MID1: variants seen among roughly 807,000 people sequenced by gnomAD.
MID1 encodes the protein midline 1.
A neutral mutation model predicts 40.4 loss-of-function variants in MID1; 7 were observed. The ratio of observed to expected loss-of-function variants is 0.17; its 90% CI spans 0.10 to 0.33. The LOEUF is 0.33. Ranked by LOEUF, MID1 falls within the 10% of genes least tolerant of loss-of-function variation. The probability of loss-of-function intolerance (pLI) is 1.00; values close to 1 mark genes in which losing one functional copy is unlikely to be tolerated. For missense variants in MID1, 367 were observed against 558.5 expected (o/e 0.66, Z 3.46); for synonymous variants, 229 against 221.2 (o/e 1.04, Z -0.31).
At chrX:10,612,049 T>A (rs1935745345) in intron 1 of MID1, among the ~76,000 whole-genome samples, 1 of 112,178 alleles carries the variant, frequency 8.9e-6, no homozygotes, top group African/African-American at 3.2e-5. Context: ...TCTTTGTTAG[T>A]TAAACCAAAA....
At chrX:10,590,328 C>T (rs1307749274) in intron 1 of MID1, among the ~76,000 whole-genome samples, 1 of 111,312 alleles carries the variant, frequency 9.0e-6, no homozygotes. Flanking sequence ...GAGGGTCTGT[C>T]TCTCTTCTCT....
chrX:10,701,050 A>G (rs774970907), intron 1 of MID1, among the ~76,000 whole-genome samples: 1 of 111,804 alleles, frequency 8.9e-6, no homozygotes, highest in South Asian at 3.8e-4. Context: ...CAGGCAAACC[A>G]TCAAGCTGGA....
rs1172669284 is a variant in MID1 at position 10,643,246 on chromosome X, A to C, written c.-186-22827T>G. 7.2e-5 allele frequency among the ~76,000 whole-genome samples: 8 copies of C among 111,356 alleles called. No individual in the cohort carries two copies. The East Asian group carries it at 1.7e-3, about 23-fold the overall frequency. On this transcript the variant is annotated intron_variant, in intron 1 of 10. Transcript: ENST00000380785. Reference sequence around the variant, plus strand: ...ACAGGCAACCTACAGAATGGGAGAAAATTTTTACAATCTACCCATCTGACA... The same window carrying C: ...ACAGGCAACCTACAGAATGGGAGAACATTTTTACAATCTACCCATCTGACA...
chrX:10,746,353 G>C (rs1251975863), intron 1 of MID1, among the ~76,000 whole-genome samples: 4 of 111,978 alleles, frequency 3.6e-5, no homozygotes, highest in Non-Finnish European at 7.5e-5. Flanking sequence ...TTTTAGGCTT[G>C]TGCAAATCCA....
intron 1 of MID1, among the ~76,000 whole-genome samples, chrX:10,789,128 A>G (rs771405160): frequency 9.0e-6 from 1 of 111,433 alleles, no homozygotes; most frequent in South Asian, 3.8e-4. Context: ...TAGAGATCAG[A>G]GCTGCAGTGA....
At chrX:10,577,088 C>T (rs1471002541) in intron 1 of MID1, 9 of 112,186 alleles carry the variant, frequency 8.0e-5, no homozygotes, top group Non-Finnish European at 1.3e-4. Context: ...TCAACTGAAC[C>T]CAAATGGAAA....
At chrX:10,675,646 T>C (rs1217191163) in intron 1 of MID1, among the ~76,000 whole-genome samples, 1 of 111,669 alleles carries the variant, frequency 9.0e-6, no homozygotes, top group South Asian at 3.7e-4. Flanking sequence ...GATATATTTA[T>C]ATGTGTGTGT....
At position 10,449,336 on chromosome X, in the gene MID1, TC is replaced by T; in HGVS notation, c.*31del. ...TAAATAGTGGCCTGAACCTTACTGT[TC>T]CCCAGAAAGCAGCTCCATGTGGCCA... is the stretch of plus-strand genomic sequence containing the variant. On this transcript the variant is annotated 3_prime_UTR_variant, in exon 10 of 10. Coordinates refer to ENST00000317552, the MANE Select transcript of MID1 (RefSeq NM_000381.4). 2 of 1,141,387 alleles carry T rather than the reference TC, an allele frequency of 1.8e-6. No individual in the cohort carries two copies. The highest frequency in any genetic ancestry group is 3.7e-5 in the South Asian group (2 of 54,762). The allele number at this position is 1,141,387 out of a possible 1,213,427, so 94.1% of individuals were successfully genotyped here.
At chrX:10,784,449 T>C (rs1055008691) in intron 1 of MID1, among the ~76,000 whole-genome samples, 4 of 100,222 alleles carry the variant, frequency 4.0e-5, no homozygotes, top group African/African-American at 1.5e-4. Flanking sequence ...TTTTCTTTTT[T>C]TTTTTTTTTT....
At chrX:10,820,616 C>A (rs888951647) in intron 1 of MID1, among the ~76,000 whole-genome samples, 1 of 60,817 alleles carries the variant, frequency 1.6e-5, no homozygotes, top group African/African-American at 6.5e-5. Context: ...AAGAAACAGA[C>A]CATCTTAAGT....
At chrX:10,627,870 C>A (rs770929619) in intron 1 of MID1, among the ~76,000 whole-genome samples, 16 of 111,895 alleles carry the variant, frequency 1.4e-4, no homozygotes, top group Non-Finnish European at 3.0e-4. Flanking sequence ...AGGATTTGCG[C>A]TCCTTGCTTA....
chrX:10,530,464 T>C (rs964348422), intron 2 of MID1, among the ~76,000 whole-genome samples: 1 of 112,363 alleles, frequency 8.9e-6, no homozygotes, highest in Non-Finnish European at 1.9e-5. Context: ...GTCAAATTTG[T>C]GGAAGGCAAA....
At chrX:10,483,347 G>C (rs889774953) in intron 4 of MID1, among the ~76,000 whole-genome samples, 2 of 111,826 alleles carry the variant, frequency 1.8e-5, no homozygotes, top group African/African-American at 3.3e-5. Flanking sequence ...GGATAAAAAC[G>C]CATGATTGCT....
chrX:10,598,053 C>T (rs985313417), intron 1 of MID1, among the ~76,000 whole-genome samples: 4 of 111,660 alleles, frequency 3.6e-5, no homozygotes, highest in Non-Finnish European at 7.5e-5. Flanking sequence ...TCAGCTCTTG[C>T]TCTGTGCTGC....
At chrX:10,564,282 T>C (rs1934443148) in intron 2 of MID1, among the ~76,000 whole-genome samples, 1 of 112,182 alleles carries the variant, frequency 8.9e-6, no homozygotes, top group African/African-American at 3.2e-5. Context: ...TTCAAAAAAA[T>C]CAACATTTAT....
At chrX:10,699,290 C>T (rs1370784034) in intron 1 of MID1, among the ~76,000 whole-genome samples, 3 of 112,275 alleles carry the variant, frequency 2.7e-5, no homozygotes, top group East Asian at 2.8e-4. Context: ...ATTGACAAAA[C>T]GTGCTGCAGT....
intron 1 of MID1, among the ~76,000 whole-genome samples, chrX:10,696,498 G>T (rs949009969): frequency 9.0e-5 from 10 of 111,257 alleles, no homozygotes; most frequent in Non-Finnish European, 5.6e-5. Context: ...AAAACATCTT[G>T]ATAAACTTTC....
In MID1 at chrX:10,516,123, G is replaced by A. The variant is rs779301766; in HGVS notation, c.756+6969C>T. Among the ~76,000 whole-genome samples, 10 of 107,351 alleles carry A rather than the reference G, an allele frequency of 9.3e-5. No individual in the cohort carries two copies. In the South Asian group the frequency reaches 4.1e-3, roughly 44 times the overall value. The allele number at this position is 107,351 out of a possible 115,157, so 93.2% of individuals were successfully genotyped here. A position where few individuals can be genotyped will look rare whatever the true frequency, so the allele number is the denominator to read the frequency against. On this transcript the variant is annotated intron_variant, in intron 3 of 9. Coordinates refer to ENST00000317552, the MANE Select transcript of MID1 (RefSeq NM_000381.4). ...CTCCTGAAGAAAACAAAATAGAGTG[G>A]TTGAAAACCCATTAGTTTTTACAAT...
At chrX:10,737,758 G>A (rs1050193672) in intron 1 of MID1, among the ~76,000 whole-genome samples, 1 of 109,774 alleles carries the variant, frequency 9.1e-6, no homozygotes, top group Non-Finnish European at 1.9e-5. Flanking sequence ...GGAGGGAAAG[G>A]GTTGGCAAAA....
Sources: allele counts gnomAD v4.1 joint callset (sites outside exome capture counted in the v4.1 genomes callset), GRCh38; gene constraint gnomAD v4.1.1; transcripts MANE v1.5; gene names NCBI Gene and HGNC (gene_info 2026-07-23, HGNC 2026-07-21).